Variants in THOC2 observed in about 807,000 individuals in gnomAD.
THOC2 encodes the protein THO complex subunit 2.
Under a neutral mutation model 128.4 loss-of-function variants are expected in THOC2, and 10 were observed. The ratio of observed to expected loss-of-function variants is 0.08; its 90% CI spans 0.05 to 0.13. THOC2 has a LOEUF of 0.13. THOC2 is among the 10% of genes least tolerant of loss of function. THOC2 has a pLI of 1.00. For missense variants in THOC2, 535 were observed against 1,155.7 expected (o/e 0.46, Z 7.79); for synonymous variants, 393 against 396.9 (o/e 0.99, Z 0.12).
At chrX:123,704,188 T>C (rs773063186) in intron 3 of THOC2, among the ~76,000 whole-genome samples, 2 of 111,904 alleles carry the variant, frequency 1.8e-5, no homozygotes, top group Non-Finnish European at 3.8e-5. Context: ...CATACTTACC[T>C]AAAGGAAGAC....
intron 2 of THOC2, among the ~76,000 whole-genome samples, chrX:123,711,958 TAAAAAAAAA>T (rs55916247): frequency 2.1e-5 from 1 of 46,842 alleles, no homozygotes; most frequent in Admixed American, 3.6e-4. Context: ...CTGTCTACTT[TAAAAAAAAA>T]AAAAAAAAAA....
At chrX:123,732,919 G>C (rs200440267) in intron 1 of THOC2, 33 bp downstream of exon 1, 25 of 1,194,568 alleles carry the variant, frequency 2.1e-5, no homozygotes, top group Non-Finnish European at 2.5e-5. Flanking sequence ...GGCCCGGCCC[G>C]GCAGTGCGCC....
intron 15 of THOC2, among the ~76,000 whole-genome samples, chrX:123,641,720 A>T (rs2047920680): frequency 9.0e-6 from 1 of 111,508 alleles, no homozygotes. Context: ...ACAAACAAAA[A>T]TTAAAGAAAT....
intron 7 of THOC2, among the ~76,000 whole-genome samples, chrX:123,692,329 C>T (rs921371824): frequency 9.0e-6 from 1 of 111,176 alleles, no homozygotes; most frequent in Non-Finnish European, 1.9e-5. Context: ...GTTCACTATT[C>T]ATTCGTATTT....
intron 12 of THOC2, among the ~76,000 whole-genome samples, chrX:123,655,084 G>C (rs1380994364): frequency 2.7e-5 from 3 of 111,200 alleles, no homozygotes; most frequent in Admixed American, 9.6e-5. Flanking sequence ...AGAAGAGAGA[G>C]GAAAAAAACA....
At chrX:123,648,575 C>T (rs1191552572) in intron 12 of THOC2, among the ~76,000 whole-genome samples, 2 of 112,594 alleles carry the variant, frequency 1.8e-5, no homozygotes, top group Admixed American at 9.4e-5. Flanking sequence ...TTGACATTCT[C>T]GCTGCCAGCA....
intron 12 of THOC2, among the ~76,000 whole-genome samples, chrX:123,659,022 G>A (rs990745105): frequency 8.9e-6 from 1 of 112,266 alleles, no homozygotes; most frequent in Non-Finnish European, 1.9e-5. Flanking sequence ...AAACATTTGA[G>A]TATGTCAGGT....
intron 12 of THOC2, among the ~76,000 whole-genome samples, chrX:123,654,645 G>A (rs1263607522): frequency 9.6e-6 from 1 of 104,399 alleles, no homozygotes. Context: ...TGTAATCCCA[G>A]CTACTCAGGA....
intron 32 of THOC2, 143 bp downstream of exon 32, chrX:123,620,764 T>C (rs2047054146): frequency 7.9e-6 from 4 of 509,322 alleles, no homozygotes; most frequent in Non-Finnish European, 1.3e-5. Flanking sequence ...TCCACCAATA[T>C]AGAAAAATTC....
At chrX:123,634,591 C>T (rs2047604339) in intron 19 of THOC2, among the ~76,000 whole-genome samples, 1 of 111,791 alleles carries the variant, frequency 8.9e-6, no homozygotes, top group African/African-American at 3.2e-5. Flanking sequence ...CTTTAATCTA[C>T]CATTCATATT....
At chrX:123,681,451 G>A (rs2049778922) in intron 8 of THOC2, among the ~76,000 whole-genome samples, 1 of 111,526 alleles carries the variant, frequency 9.0e-6, no homozygotes, top group South Asian at 3.8e-4. Flanking sequence ...AAAGACAGTC[G>A]AACATTAGAT....
At chrX:123,699,145 A>G (rs766588249) in intron 4 of THOC2, among the ~76,000 whole-genome samples, 2 of 111,966 alleles carry the variant, frequency 1.8e-5, no homozygotes, top group Non-Finnish European at 1.9e-5. Context: ...ATTATATACT[A>G]TTAACCTAAT....
intron 1 of THOC2, among the ~76,000 whole-genome samples, chrX:123,714,185 C>T (rs2051312449): frequency 8.9e-6 from 1 of 112,306 alleles, no homozygotes; most frequent in Non-Finnish European, 1.9e-5. Flanking sequence ...AAGTCCTTTC[C>T]TGTCAGTAAT....
chrX:123,706,814 G>GAT (rs765303064), intron 3 of THOC2, 44 bp downstream of exon 3: 1 of 609,381 alleles, frequency 1.6e-6, no homozygotes, highest in Non-Finnish European at 2.4e-6. Context: ...AAAGCAAAAA[G>GAT]ATATATAACA....
intron 1 of THOC2, among the ~76,000 whole-genome samples, chrX:123,724,657 C>T (rs1454160062): frequency 1.8e-5 from 2 of 111,285 alleles, no homozygotes; most frequent in Non-Finnish European, 3.8e-5. Context: ...CGCACTCCAA[C>T]CTGGGCAACA....
intron 33 of THOC2, among the ~76,000 whole-genome samples, chrX:123,615,367 A>T (rs548137380): frequency 5.4e-5 from 6 of 111,369 alleles, no homozygotes; most frequent in African/African-American, 1.9e-4. Context: ...TGCCATAGCA[A>T]TGCAGAAGTA....
chrX:123,648,658 G>A (rs931979108), intron 12 of THOC2, among the ~76,000 whole-genome samples: 5 of 106,970 alleles, frequency 4.7e-5, no homozygotes, highest in African/African-American at 1.7e-4. Context: ...TGAGGCTTGA[G>A]TAGGCGGGTT....
chrX:123,702,593 G>T (rs2050750668), intron 4 of THOC2, among the ~76,000 whole-genome samples: 1 of 103,065 alleles, frequency 9.7e-6, no homozygotes, highest in Non-Finnish European at 2.0e-5. Flanking sequence ...ATATATATCT[G>T]TATATATAAT....
In THOC2 at chrX:123,608,519, T is replaced by A. The variant is rs112845251; in HGVS notation, c.*18+2399A>T. Among the ~76,000 whole-genome samples, 1,065 of 107,898 alleles carry A rather than the reference T, an allele frequency of 9.9e-3. 17 individuals are homozygous for A. Among genetic ancestry groups the A allele is most frequent in the African/African-American group, 0.034 (1,015 of 29,477 alleles). 93.7% of individuals were successfully genotyped at this position (107,898 alleles called of 115,157 possible). ...CAGGTGGATCACCTGAGGTCAGGAGTTCAAGACCAGCCTGGCCAACATGGT... is the reference window on the plus strand; with the variant it reads ...CAGGTGGATCACCTGAGGTCAGGAGATCAAGACCAGCCTGGCCAACATGGT... On this transcript the variant is annotated intron_variant, in intron 38 of 38. Transcript: ENST00000245838.
Sources: gnomAD v4.1 joint callset for allele counts (sites outside exome capture counted in the v4.1 genomes callset) on GRCh38, gnomAD v4.1.1 for gene constraint, MANE v1.5 for transcripts, NCBI Gene and HGNC (gene_info 2026-07-23, HGNC 2026-07-21) for gene names.